Variants in AGXT2 observed in about 807,000 individuals in gnomAD.
AGXT2 encodes the protein alanine--glyoxylate aminotransferase 2, also known as alanine--glyoxylate aminotransferase 2, mitochondrial.
AGXT2 carries 61 observed loss-of-function variants against 62.5 expected under a neutral mutation model. The observed-to-expected ratio is 0.98, with a 90% CI of 0.79 to 1.21. The LOEUF (loss-of-function observed/expected upper bound fraction) is 1.21, where lower values mean the gene tolerates loss of function less well. Ranked by LOEUF, AGXT2 falls within the 50% of genes most tolerant of loss-of-function variation. AGXT2 has a pLI of 0.00. For synonymous variants in AGXT2, 243 were observed against 218.7 expected (o/e 1.11, Z -0.98); for missense variants, 666 against 641.5 (o/e 1.04, Z -0.41).
chr5:34,999,151 C>T (rs115785413), intron 13 of AGXT2, among the ~76,000 whole-genome samples: 1 of 152,190 alleles, frequency 6.6e-6, no homozygotes, highest in Non-Finnish European at 1.5e-5. Flanking sequence ...TATGTGCAAC[C>T]CAGCAAACTC....
intron 9 of AGXT2, among the ~76,000 whole-genome samples, chr5:35,024,842 T>C (rs1767262185): frequency 6.6e-6 from 1 of 152,012 alleles, no homozygotes; most frequent in East Asian, 1.9e-4. Flanking sequence ...TGGTGGCGGA[T>C]GCCTGTAATC....
chr5:35,010,426 TC>T lies in AGXT2; in HGVS notation c.1189-278del, dbSNP rs1367992795. ...CAGGCATGGTGGCTCACACCTGTAA[TC>T]CCAGCACTTTGGGAGGCCAAGATGG... is the stretch of plus-strand genomic sequence containing the variant. On this transcript the variant is annotated intron_variant, in intron 11 of 13. Transcript: ENST00000231420. 2.6e-5 allele frequency among the ~76,000 whole-genome samples: 4 copies of T among 152,232 alleles called. No homozygotes were observed. In the East Asian group the frequency reaches 7.7e-4, roughly 29 times the overall value.
chr5:35,046,201 G>A (rs1256081492), intron 1 of AGXT2, among the ~76,000 whole-genome samples: 1 of 152,168 alleles, frequency 6.6e-6, no homozygotes, highest in Admixed American at 6.5e-5. Flanking sequence ...CTGCTCCACT[G>A]TGCAACTCCA....
intron 9 of AGXT2, 76 bp from the exon 10 acceptor site, chr5:35,014,195 T>G: frequency 6.3e-7 from 1 of 1,594,252 alleles, no homozygotes. Flanking sequence ...GGCTCACACC[T>G]GTAATCCCAG....
At chr5:35,017,594 C>A (rs182432943) in intron 9 of AGXT2, among the ~76,000 whole-genome samples, 2 of 152,326 alleles carry the variant, frequency 1.3e-5, no homozygotes, top group African/African-American at 4.8e-5. Context: ...ATTGTTAGGC[C>A]TCCCCAACCA....
chr5:35,014,220 G>A, intron 9 of AGXT2, 101 bp from the exon 10 acceptor site: 1 of 1,491,222 alleles, frequency 6.7e-7, no homozygotes, highest in South Asian at 1.1e-5. Context: ...TTAGGAGGCT[G>A]AAGCAGGTGG....
At chr5:35,035,123 G>GA in intron 5 of AGXT2, 99 bp downstream of exon 5, 3 of 1,063,086 alleles carry the variant, frequency 2.8e-6, no homozygotes, top group Non-Finnish European at 4.4e-6. Context: ...ATATCCCTGA[G>GA]AAAACCTCTC....
chr5:35,020,296 T>C (rs1767018736), intron 9 of AGXT2, among the ~76,000 whole-genome samples: 1 of 152,170 alleles, frequency 6.6e-6, no homozygotes, highest in Non-Finnish European at 1.5e-5. Flanking sequence ...ACCAATATCC[T>C]TGATGAACAT....
intron 11 of AGXT2, among the ~76,000 whole-genome samples, chr5:35,011,715 T>C (rs1766647496): frequency 6.6e-6 from 1 of 151,918 alleles, no homozygotes. Flanking sequence ...AGTATGGAGA[T>C]TTCTAAAAGA....
chr5:35,025,854 C>T lies in AGXT2; in HGVS notation c.872G>A (p.Gly291Asp), dbSNP rs761995964. Reference sequence around the variant, plus strand: ...TGGGTACTGGACAACTCCATTCACACCCTGCAAAAGACCAGACCAAGAAGA... The same window carrying T: ...TGGGTACTGGACAACTCCATTCACATCCTGCAAAAGACCAGACCAAGAAGA... Reference protein sequence around the residue: ...IAGFFAEPIQGVNGVVQYPKG... With the variant: ...IAGFFAEPIQDVNGVVQYPKG... Residue 291 changes from glycine (G) to aspartate (D), a missense_variant and splice_region_variant, in exon 9 of 14, where the codon GGT becomes GAT. By Grantham distance (94) the Gly-to-Asp change is moderately conservative. Coordinates refer to ENST00000231420, the MANE Select transcript of AGXT2 (RefSeq NM_031900.4). 1.2e-6 allele frequency: 2 copies of T among 1,614,084 alleles called. No individual in the cohort carries two copies. Among genetic ancestry groups the T allele is most frequent in the Non-Finnish European group, 8.5e-7 (1 of 1,179,948 alleles).
chr5:35,017,468 G>C (rs1460658178), intron 9 of AGXT2, among the ~76,000 whole-genome samples: 1 of 152,156 alleles, frequency 6.6e-6, no homozygotes, highest in Admixed American at 6.5e-5. Flanking sequence ...CTGTTCTCAT[G>C]GTGGTGAATA....
chr5:35,004,122 T>A (rs1210952059), intron 12 of AGXT2, among the ~76,000 whole-genome samples: 1 of 152,244 alleles, frequency 6.6e-6, no homozygotes, highest in Non-Finnish European at 1.5e-5. Flanking sequence ...AATGAAGTTC[T>A]GTGCGGATAG....
chr5:35,040,296 C>T (rs1239903891), intron 2 of AGXT2, among the ~76,000 whole-genome samples: 1 of 152,084 alleles, frequency 6.6e-6, no homozygotes, highest in Non-Finnish European at 1.5e-5. Context: ...GTATATCTCC[C>T]TGCAGTACAT....
chr5:35,040,441 A>T, intron 2 of AGXT2, 134 bp downstream of exon 2: 1 of 818,188 alleles, frequency 1.2e-6, no homozygotes, highest in Non-Finnish European at 2.1e-6. Context: ...CCAATGACTT[A>T]GAGGTACAAT....
rs901077837 is a variant in AGXT2, at chr5:35,045,720, T to C, written c.88+2085A>G. On this transcript the variant is annotated intron_variant, in intron 1 of 13. Coordinates refer to ENST00000231420, the MANE Select transcript of AGXT2 (RefSeq NM_031900.4). ...TTTTTGCAAGGCCAGGTGATGAGGA[T>C]AGCATTCAGTCTAGGTAGTGTGGTT... Among the ~76,000 whole-genome samples, 5 of 151,580 alleles carry C rather than the reference T, an allele frequency of 3.3e-5. No homozygotes were observed. The South Asian group carries it at 1.0e-3, about 32-fold the overall frequency.
chr5:35,020,464 G>T (rs999443977), intron 9 of AGXT2, among the ~76,000 whole-genome samples: 5 of 152,154 alleles, frequency 3.3e-5, no homozygotes, highest in Non-Finnish European at 7.3e-5. Context: ...CAGAACCAAA[G>T]ACAAAAACCA....
At chr5:35,039,134 C>A (rs985688977) in intron 3 of AGXT2, among the ~76,000 whole-genome samples, 190 bp downstream of exon 3, 1 of 152,120 alleles carries the variant, frequency 6.6e-6, no homozygotes, top group African/African-American at 2.4e-5. Context: ...CAAAATCTTG[C>A]ATTGTCAAGA....
rs559868695 is a variant in AGXT2 at position 35,009,925 on chromosome 5, A to G, written c.1338+75T>C. On this transcript the variant is annotated intron_variant, in intron 12 of 13. Transcript: ENST00000231420. ...CTGCTCTCTCCTTGAGAGTAAATGA[A>G]GTTTAGCTGATGTTTCCTCCTATAT... 9 of 1,591,320 alleles carry G rather than the reference A, an allele frequency of 5.7e-6. No individual in the cohort carries two copies. In the African/African-American group the frequency reaches 9.4e-5, roughly 17 times the overall value.
At chr5:35,022,798 G>GCCCTC (rs1052795362) in intron 9 of AGXT2, among the ~76,000 whole-genome samples, 1 of 150,178 alleles carries the variant, frequency 6.7e-6, no homozygotes, top group Non-Finnish European at 1.5e-5. Context: ...AAAACCTAGA[G>GCCCTC]CCCTTCCCTT....
Sources: gnomAD v4.1 joint callset for allele counts (sites outside exome capture counted in the v4.1 genomes callset) on GRCh38, gnomAD v4.1.1 for gene constraint, MANE v1.5 for transcripts, NCBI Gene and HGNC (gene_info 2026-07-23, HGNC 2026-07-21) for gene names.